FER1L6: variants seen among roughly 807,000 people sequenced by gnomAD.
FER1L6 encodes fer-1 like family member 6.
FER1L6 carries 177 observed loss-of-function variants against 219.2 expected under a neutral mutation model. The ratio of observed to expected loss-of-function variants is 0.81; its 90% CI spans 0.71 to 0.91. FER1L6 has a LOEUF of 0.91. Ranked by LOEUF, FER1L6 falls within the 40% of genes least tolerant of loss-of-function variation. FER1L6 has a pLI of 0.00. For missense variants in FER1L6, 2,153 were observed against 2,259.9 expected, an observed-to-expected ratio of 0.95 and a Z score of 0.96; for synonymous variants, 768 against 824.3, an observed-to-expected ratio of 0.93 and a Z score of 1.17.
chr8:123,933,167 A>C (rs1037905989), intron 1 of FER1L6, among the ~76,000 whole-genome samples: 3 of 152,182 alleles, frequency 2.0e-5, no homozygotes, highest in Non-Finnish European at 4.4e-5. Flanking sequence ...GGCTCTGGAC[A>C]GCTCTAAAGC....
At position 124,103,185 on chromosome 8, in the gene FER1L6, C is replaced by T; in HGVS notation, c.5165C>T (p.Ala1722Val). The change falls in exon 39 of 41, where the codon GCT becomes GTT. Residue 1722 changes from alanine (A) to valine (V), a missense_variant. Coordinates refer to ENST00000522917, the MANE Select transcript of FER1L6 (RefSeq NM_001039112.2). ...EMNLNSFPRA[A>V]KSAKACDLAK... ...AACCTCAACAGTTTCCCTCGAGCAG[C>T]TAAGTCTGCCAAAGCCTGTGATCTT... 6.2e-7 allele frequency: 1 copy of T among 1,614,126 alleles called. No individual in the cohort carries two copies. The highest frequency in any genetic ancestry group is 8.5e-7 in the Non-Finnish European group (1 of 1,179,988).
At chr8:124,039,136 AT>A (rs1337470046) in intron 19 of FER1L6, among the ~76,000 whole-genome samples, 1 of 152,156 alleles carries the variant, frequency 6.6e-6, no homozygotes, top group Non-Finnish European at 1.5e-5. Context: ...CCTTGCCAGC[AT>A]TCTCACAGGA....
intron 12 of FER1L6, among the ~76,000 whole-genome samples, chr8:123,994,426 G>A (rs992432885): frequency 5.9e-5 from 9 of 152,246 alleles, no homozygotes; most frequent in East Asian, 1.9e-4. Context: ...TTTTCTGTAC[G>A]GAAGAGTCCA....
chr8:124,071,749 T>C (rs1821083511), intron 31 of FER1L6, 118 bp downstream of exon 31: 1 of 1,298,694 alleles, frequency 7.7e-7, no homozygotes, highest in Non-Finnish European at 1.0e-6. Flanking sequence ...CAGTTTTGAA[T>C]GCCATAAGTC....
intron 39 of FER1L6, among the ~76,000 whole-genome samples, chr8:124,116,648 T>C (rs574750850): frequency 1.3e-5 from 2 of 152,228 alleles, no homozygotes; most frequent in African/African-American, 2.4e-5. Flanking sequence ...CCCTAACTTA[T>C]TCTCTGTTGA....
Position 124,071,612 on chromosome 8 carries a change from T to C in FER1L6, c.4073T>C (p.Ile1358Thr). 1 of 1,614,066 alleles carries C rather than the reference T, an allele frequency of 6.2e-7. No individual in the cohort carries two copies. Among genetic ancestry groups the C allele is most frequent in the Non-Finnish European group, 8.5e-7 (1 of 1,179,942 alleles). ...CCCAATCACCCTGTCACAGTGCTGA[T>C]CAGAGTATACATTGTCGCGGTGAGC... is the stretch of plus-strand genomic sequence containing the variant. ...IPPNHPVTVL[I>T]RVYIVAAFNL... Residue 1358 changes from isoleucine to threonine, a missense_variant, in exon 31 of 41, where the codon ATC becomes ACC. Coordinates refer to ENST00000522917, the MANE Select transcript of FER1L6 (RefSeq NM_001039112.2).
intron 15 of FER1L6, chr8:124,014,529 T>G (rs984294362): frequency 1.3e-5 from 2 of 152,598 alleles, no homozygotes; most frequent in Non-Finnish European, 2.9e-5. Context: ...TTAAAGAGTC[T>G]CTCTTGGTGC....
chr8:124,109,739 G>T (rs1563805993), intron 39 of FER1L6, among the ~76,000 whole-genome samples: 1 of 152,188 alleles, frequency 6.6e-6, no homozygotes, highest in African/African-American at 2.4e-5. Flanking sequence ...CCCCTGGGCA[G>T]GGCTTTGGTA....
At chr8:124,096,349 C>A (rs1285347302) in intron 35 of FER1L6, among the ~76,000 whole-genome samples, 2 of 152,142 alleles carry the variant, frequency 1.3e-5, no homozygotes, top group Non-Finnish European at 1.5e-5. Flanking sequence ...TTTTCTCTTC[C>A]TCTGAAGAGC....
chr8:123,969,920 A>T, intron 5 of FER1L6, 115 bp from the exon 6 acceptor site: 3 of 736,674 alleles, frequency 4.1e-6, no homozygotes, highest in East Asian at 2.6e-5. Flanking sequence ...TTGATGATGT[A>T]TATATATTCA....
At chr8:124,118,725 G>C (rs13438814) in intron 39 of FER1L6, 119 bp from the exon 40 acceptor site, 244,808 of 831,778 alleles carry the variant, frequency 0.29, 38,255 homozygotes, top group Non-Finnish European at 0.32. Context: ...TCAAAATAAA[G>C]CAGCGGGATA....
At chr8:124,005,068 T>C (rs1817597864) in intron 13 of FER1L6, among the ~76,000 whole-genome samples, 1 of 152,100 alleles carries the variant, frequency 6.6e-6, no homozygotes, top group Non-Finnish European at 1.5e-5. Context: ...ATGAAGCCAG[T>C]CAATACAGTT....
In FER1L6 at chr8:124,119,981, G is replaced by A; in HGVS notation, c.*191G>A. 1.8e-6 allele frequency: 1 copy of A among 549,386 alleles called. No homozygotes were observed. Among genetic ancestry groups the A allele is most frequent in the Admixed American group, 3.5e-5 (1 of 28,928 alleles). The allele number at this position is 549,386 out of a possible 1,614,324, so 34.0% of individuals were successfully genotyped here. On this transcript the variant is annotated 3_prime_UTR_variant, in exon 41 of 41. Coordinates refer to ENST00000522917, the MANE Select transcript of FER1L6 (RefSeq NM_001039112.2). ...CTGCCTCCAAGTTTCAAACTTGTAAGGCATGTTTTATCCCTTGGGCAGCAT... is the reference window on the plus strand; with the variant it reads ...CTGCCTCCAAGTTTCAAACTTGTAAAGCATGTTTTATCCCTTGGGCAGCAT...
In FER1L6 at chr8:123,928,377, A is replaced by G. The variant is rs573655979; in HGVS notation, c.-7-27615A>G. ...TGCAGGCATGTGACAGGCTCCACCA[A>G]CCAGATGGCTTGCATTTGAGATTTT... On this transcript the variant is annotated intron_variant, in intron 1 of 40. Transcript: ENST00000522917. Among the ~76,000 whole-genome samples the G allele has an allele frequency of 8.5e-5, 13 of 152,280 alleles. No homozygotes were observed. In the South Asian group the frequency reaches 2.7e-3, roughly 32 times the overall value.
At chr8:124,082,972 G>A (rs549076269) in intron 33 of FER1L6, among the ~76,000 whole-genome samples, 10 of 149,378 alleles carry the variant, frequency 6.7e-5, no homozygotes, top group Admixed American at 5.4e-4. Flanking sequence ...AATTTTCATG[G>A]GTACATAAAT....
rs562151832 is a variant in FER1L6, at chr8:123,969,558, A to G, written c.385-477A>G. Among the ~76,000 whole-genome samples the G allele has an allele frequency of 5.3e-5, 8 of 152,176 alleles. 1 individual carries two copies. The stretch of plus-strand genomic sequence containing the variant: ...TACTATCTATTCAAAAGTTATATGC[A>G]CTTAATCTATGACTTGACAATTCCA... On this transcript the variant is annotated intron_variant, in intron 5 of 40. Transcript: ENST00000522917.
intron 20 of FER1L6, among the ~76,000 whole-genome samples, chr8:124,040,280 A>G (rs1205730066): frequency 6.6e-6 from 1 of 152,222 alleles, no homozygotes; most frequent in African/African-American, 2.4e-5. Context: ...AGAAGGCTAA[A>G]GTGCCAGGCA....
intron 1 of FER1L6, among the ~76,000 whole-genome samples, chr8:123,928,524 G>A (rs1813651276): frequency 6.6e-6 from 1 of 152,184 alleles, no homozygotes; most frequent in African/African-American, 2.4e-5. Flanking sequence ...CCAGTTCCCA[G>A]TGGGGTGGAT....
chr8:124,063,174 A>G (rs1014458867), intron 25 of FER1L6, among the ~76,000 whole-genome samples: 6 of 152,264 alleles, frequency 3.9e-5, no homozygotes, highest in Non-Finnish European at 7.4e-5. Flanking sequence ...TGATTCACAA[A>G]TTCTTTGTAT....
Sources: allele counts gnomAD v4.1 joint callset (sites outside exome capture counted in the v4.1 genomes callset), GRCh38; gene constraint gnomAD v4.1.1; transcripts MANE v1.5; gene names NCBI Gene and HGNC (gene_info 2026-07-23, HGNC 2026-07-21).